MOB1B: variants seen among roughly 807,000 people sequenced by gnomAD.
MOB1B encodes MOB1 Mps One Binder homolog B.
A neutral mutation model predicts 24.4 loss-of-function variants in MOB1B; 19 were observed. The ratio of observed to expected loss-of-function variants is 0.78; its 90% CI spans 0.54 to 1.14. The LOEUF is 1.14. Ranked by LOEUF, MOB1B falls within the 50% of genes most tolerant of loss-of-function variation. MOB1B has a pLI of 0.00. For synonymous variants in MOB1B, 76 were observed against 82.1 expected (o/e 0.93, Z 0.40); for missense variants, 243 against 259.6 (o/e 0.94, Z 0.44).
intron 1 of MOB1B, 75 bp downstream of exon 1, chr4:70,902,625 C>A: frequency 7.2e-7 from 1 of 1,387,648 alleles, no homozygotes; most frequent in Non-Finnish European, 9.6e-7. Flanking sequence ...CGCCGCCCGT[C>A]GCCCGCCCTC....
chr4:70,936,238 C>T (rs1300321039), intron 1 of MOB1B, among the ~76,000 whole-genome samples: 1 of 152,136 alleles, frequency 6.6e-6, no homozygotes, highest in Non-Finnish European at 1.5e-5. Flanking sequence ...AAGCAGTCCG[C>T]CCACCTCAGC....
chr4:70,938,710 TC>T (rs1560644238), intron 1 of MOB1B, among the ~76,000 whole-genome samples: 3 of 150,820 alleles, frequency 2.0e-5, no homozygotes, highest in African/African-American at 7.3e-5. Flanking sequence ...CGTCACTAAT[TC>T]CTAAATCCCT....
chr4:70,954,630 G>A (rs556356020), intron 1 of MOB1B, among the ~76,000 whole-genome samples: 30 of 151,534 alleles, frequency 2.0e-4, no homozygotes, highest in African/African-American at 6.3e-4. Flanking sequence ...TAATTATTAC[G>A]TTTTTAGTAC....
In MOB1B at chr4:70,974,779, G is replaced by C. The variant is rs1186100420; in HGVS notation, c.276-374G>C. Among the ~76,000 whole-genome samples, 4 of 152,158 alleles carry C rather than the reference G, an allele frequency of 2.6e-5. No homozygotes were observed. The East Asian group carries it at 7.7e-4, about 29-fold the overall frequency. On this transcript the variant is annotated intron_variant, in intron 3 of 5. Coordinates refer to ENST00000309395, the MANE Select transcript of MOB1B (RefSeq NM_173468.4). ...GTTAAAAAGAATTGTACTGTGTAAG[G>C]AGAAGTGGTTTTTAAGGAAGAAAAA...
At chr4:70,953,516 A>G (rs549107988) in intron 1 of MOB1B, among the ~76,000 whole-genome samples, 13 of 152,338 alleles carry the variant, frequency 8.5e-5, no homozygotes, top group African/African-American at 3.1e-4. Context: ...GCTGCAGGGA[A>G]CTAAAAACAT....
chr4:70,974,584 A>T (rs559493176), intron 3 of MOB1B, among the ~76,000 whole-genome samples: 1 of 152,288 alleles, frequency 6.6e-6, no homozygotes, highest in African/African-American at 2.4e-5. Context: ...GTGTTCTGCT[A>T]ATACCAAAAG....
intron 1 of MOB1B, among the ~76,000 whole-genome samples, chr4:70,937,862 T>C (rs1737149168): frequency 6.6e-6 from 1 of 152,136 alleles, no homozygotes; most frequent in Non-Finnish European, 1.5e-5. Flanking sequence ...TTTAGGAGAT[T>C]ACGTCAGTTT....
chr4:70,982,005 A>G lies in MOB1B; in HGVS notation c.599A>G (p.Glu200Gly). The change falls in exon 6 of 6, where the codon GAA becomes GGA. Residue 200 changes from glutamate (E) to glycine (G), a missense_variant. By Grantham distance (98) the Glu-to-Gly change is moderately conservative. Coordinates refer to ENST00000309395, the MANE Select transcript of MOB1B (RefSeq NM_173468.4). ...VQEFNLIDRR[E>G]LAPLQELIEK... ...GAATTCAACCTTATTGATAGAAGAG[A>G]ACTTGCACCACTCCAAGAACTGATT... 6.2e-7 allele frequency: 1 copy of G among 1,611,954 alleles called. No homozygotes were observed. Among genetic ancestry groups the G allele is most frequent in the Non-Finnish European group, 8.5e-7 (1 of 1,178,346 alleles).
intron 1 of MOB1B, among the ~76,000 whole-genome samples, chr4:70,928,751 TAAA>T (rs971244671): frequency 3.9e-5 from 6 of 152,132 alleles, no homozygotes; most frequent in Admixed American, 3.3e-4. Context: ...ATTTTTATAA[TAAA>T]AAAACTTTTT....
In MOB1B at chr4:70,958,155, TTTTCTTTTC is replaced by T. The variant is rs1379916131; in HGVS notation, c.15-710_15-702del. On this transcript the variant is annotated intron_variant, in intron 1 of 5. Coordinates refer to ENST00000309395, the MANE Select transcript of MOB1B (RefSeq NM_173468.4). ...ATAATTGGGTAGAAAAACATGTAGC[TTTTCTTTTC>T]TTTCTTTTTTTTTTTTTTGAGACGG... 4.0e-5 allele frequency among the ~76,000 whole-genome samples: 6 copies of T among 151,612 alleles called. No individual in the cohort carries two copies. In the East Asian group the frequency reaches 1.2e-3, roughly 29 times the overall value.
At chr4:70,979,359 C>A (rs1739115486) in intron 5 of MOB1B, 68 bp downstream of exon 5, 1 of 1,226,952 alleles carries the variant, frequency 8.2e-7, no homozygotes, top group Non-Finnish European at 1.2e-6. Context: ...AAGGTAAATA[C>A]TGTATTCACA....
chr4:70,905,198 A>G (rs1436306363), intron 1 of MOB1B, among the ~76,000 whole-genome samples: 1 of 150,786 alleles, frequency 6.6e-6, no homozygotes, highest in African/African-American at 2.4e-5. Context: ...AGCTTTGGTT[A>G]TTTCTTCTAT....
At chr4:70,929,983 G>A (rs181327070) in intron 1 of MOB1B, among the ~76,000 whole-genome samples, 5 of 152,120 alleles carry the variant, frequency 3.3e-5, no homozygotes, top group Admixed American at 3.3e-4. Flanking sequence ...TTGAAGTCCT[G>A]GGCTTGAGCA....
chr4:70,902,790 C>G (rs937130954), intron 1 of MOB1B, among the ~76,000 whole-genome samples: 13 of 152,206 alleles, frequency 8.5e-5, no homozygotes, highest in African/African-American at 1.7e-4. Context: ...GTTCTTCCCC[C>G]CCGGCACACC....
At chr4:70,980,107 T>C (rs947997651) in intron 5 of MOB1B, among the ~76,000 whole-genome samples, 1 of 152,180 alleles carries the variant, frequency 6.6e-6, no homozygotes, top group South Asian at 2.1e-4. Context: ...TATAAATGCC[T>C]TTGCCACTTC....
intron 5 of MOB1B, among the ~76,000 whole-genome samples, chr4:70,979,536 A>G (rs1482811059): frequency 1.3e-5 from 2 of 152,164 alleles, no homozygotes; most frequent in Non-Finnish European, 2.9e-5. Flanking sequence ...GCTTCAGTTA[A>G]CAGGCCATAT....
At chr4:70,933,584 C>T (rs1467384899) in intron 1 of MOB1B, among the ~76,000 whole-genome samples, 1 of 109,322 alleles carries the variant, frequency 9.1e-6, no homozygotes. Context: ...CAGAGTCTTG[C>T]TCTGTCAACC....
Position 70,902,376 on chromosome 4 carries a change from C to T in MOB1B, c.-161C>T, listed in dbSNP as rs559973071. On this transcript the variant is annotated 5_prime_UTR_variant, in exon 1 of 6. Transcript: ENST00000309395. The stretch of plus-strand genomic sequence containing the variant: ...CCGCCCCCTCCCCCTGCCATTGGAA[C>T]TAGCTGAGCCGAACTAGTTGCGGCC... 5 of 727,908 alleles carry T rather than the reference C, an allele frequency of 6.9e-6. No individual in the cohort carries two copies. The highest frequency in any genetic ancestry group is 1.2e-5 in the Non-Finnish European group (5 of 407,564). 45.1% of individuals were successfully genotyped at this position (727,908 alleles called of 1,614,324 possible). A position where few individuals can be genotyped will look rare whatever the true frequency, so the allele number is the denominator to read the frequency against.
chr4:70,933,461 C>CT (rs1196468495), intron 1 of MOB1B, among the ~76,000 whole-genome samples: 1 of 149,428 alleles, frequency 6.7e-6, no homozygotes, highest in Non-Finnish European at 1.5e-5. Flanking sequence ...ACTTAAAAAA[C>CT]TTTATTTTTG....
Sources: allele counts gnomAD v4.1 joint callset (sites outside exome capture counted in the v4.1 genomes callset), GRCh38; gene constraint gnomAD v4.1.1; transcripts MANE v1.5; gene names NCBI Gene and HGNC (gene_info 2026-07-23, HGNC 2026-07-21).